Variants in CENPM observed in about 807,000 individuals in gnomAD.
The protein encoded by CENPM is centromere protein M.
CENPM carries 14 observed loss-of-function variants against 19.6 expected under a neutral mutation model. The observed-to-expected ratio is 0.71, with a 90% confidence interval of 0.47 to 1.11. The LOEUF (loss-of-function observed/expected upper bound fraction) is 1.11, where lower values mean the gene tolerates loss of function less well. CENPM is among the 50% of genes most tolerant of loss of function. The pLI is 0.00. For missense variants in CENPM, 239 were observed against 228.4 expected (o/e 1.05, Z -0.30); for synonymous variants, 114 against 101.5 (o/e 1.12, Z -0.74).
intron 3 of CENPM, chr22:41,945,520 G>C (rs2077790220): frequency 1.1e-6 from 1 of 915,388 alleles, no homozygotes; most frequent in Non-Finnish European, 1.6e-6. Context: ...GCGCGATCTT[G>C]GCTCACTGCA....
chr22:41,945,003 G>C, intron 4 of CENPM: 2 of 1,367,162 alleles, frequency 1.5e-6, no homozygotes, highest in Non-Finnish European at 1.9e-6. Flanking sequence ...TGTGTCATGG[G>C]GTTTGTTGTA....
At chr22:41,932,813 C>T in the CENPM span, among the ~76,000 whole-genome samples, 1 of 152,210 alleles carries the variant, frequency 6.6e-6, no homozygotes, top group Admixed American at 6.5e-5. This position sits in a 1 kb window ranked among gnomAD's most constrained non-coding sequence, Gnocchi z 4.3. Context: ...ATTCAGGGTA[C>T]CACGCAGGAA....
rs963854384 is a variant in CENPM, at chr22:41,944,138, G to A, written c.311-437C>T. 8.1e-6 allele frequency: 8 copies of A among 985,226 alleles called. No homozygotes were observed. In the East Asian group the frequency reaches 7.9e-4, roughly 98 times the overall value. The allele number at this position is 985,226 out of a possible 1,614,324, so 61.0% of individuals were successfully genotyped here. On this transcript the variant is annotated intron_variant, in intron 4 of 5. Coordinates refer to ENST00000215980, the MANE Select transcript of CENPM (RefSeq NM_024053.5). The stretch of plus-strand genomic sequence containing the variant: ...AGAAGAGGAAATGTATTTGACAGAA[G>A]CCTAGAGTAAACAAAAAGAGGACGG...
chr22:41,928,749 C>T, the CENPM span, among the ~76,000 whole-genome samples: 22 of 151,998 alleles, frequency 1.4e-4, no homozygotes, highest in South Asian at 4.1e-4. This position sits in a 1 kb window ranked among gnomAD's most constrained non-coding sequence, Gnocchi z 4.0. Context: ...GCACCAGTCC[C>T]GGGGCAGTAC....
intron 5 of CENPM, among the ~76,000 whole-genome samples, chr22:41,943,204 G>C (rs2077758495): frequency 6.6e-6 from 1 of 152,196 alleles, no homozygotes; most frequent in African/African-American, 2.4e-5. Context: ...ACCAGTTAAA[G>C]AGACGGACAT....
chr22:41,939,570 G>T (rs1308903711), intron 5 of CENPM, among the ~76,000 whole-genome samples: 1 of 152,014 alleles, frequency 6.6e-6, no homozygotes, highest in East Asian at 1.9e-4. Context: ...GGCCCCAGAT[G>T]CTCAAGACCA....
At chr22:41,931,518 T>C in the CENPM span, among the ~76,000 whole-genome samples, 1 of 152,104 alleles carries the variant, frequency 6.6e-6, no homozygotes, top group Admixed American at 6.5e-5. Context: ...CAAGATAGTT[T>C]GGGGTCTTCA....
downstream of CENPM, among the ~76,000 whole-genome samples, chr22:41,938,383 T>TG (rs2077694184): frequency 6.8e-6 from 1 of 147,590 alleles, no homozygotes; most frequent in African/African-American, 2.5e-5. Flanking sequence ...TTTTTTTTTT[T>TG]GAGGTGGAGT....
At chr22:41,934,443 C>G (rs1425178698), downstream of CENPM, among the ~76,000 whole-genome samples, 2 of 152,218 alleles carry the variant, frequency 1.3e-5, no homozygotes, top group African/African-American at 2.4e-5. Context: ...GGGGCAGCTT[C>G]CAGGCCCAGC....
downstream of CENPM, among the ~76,000 whole-genome samples, chr22:41,935,400 G>GC (rs1368644482): frequency 6.6e-6 from 1 of 151,980 alleles, no homozygotes; most frequent in East Asian, 1.9e-4. Flanking sequence ...CATTCCATCA[G>GC]CCCCGCCAAA....
rs1400923767 is a variant in CENPM at position 41,946,406 on chromosome 22, C to T, written c.137+11G>A. 1.9e-6 allele frequency: 3 copies of T among 1,611,808 alleles called. No individual in the cohort carries two copies. The Admixed American group carries it at 5.0e-5, about 27-fold the overall frequency. ...GACACGTGGGCCCAGGCCACAGCCG[C>T]GGCTACTTACACCTTCAGCTCGGAG... On this transcript the variant is annotated intron_variant, in intron 2 of 5. Coordinates refer to ENST00000215980, the MANE Select transcript of CENPM (RefSeq NM_024053.5).
downstream of CENPM, among the ~76,000 whole-genome samples, chr22:41,938,389 G>A (rs1306829789): frequency 1.2e-3 from 133 of 111,852 alleles, 1 homozygote; most frequent in Non-Finnish European, 3.7e-4. Flanking sequence ...TTTTTGAGGT[G>A]GAGTCTCACT....
intron 5 of CENPM, among the ~76,000 whole-genome samples, chr22:41,940,395 T>C (rs551551641): frequency 6.6e-6 from 1 of 152,246 alleles, no homozygotes; most frequent in African/African-American, 2.4e-5. Context: ...GCTTTTTTTG[T>C]TTTGTTTTGA....
At chr22:41,943,533 C>T in intron 5 of CENPM, 77 bp downstream of exon 5, 2 of 1,265,170 alleles carry the variant, frequency 1.6e-6, no homozygotes, top group South Asian at 2.7e-5. Context: ...TAAGCATTCC[C>T]AATGTGCCCA....
downstream of CENPM, among the ~76,000 whole-genome samples, chr22:41,936,417 G>A (rs1205387752): frequency 2.0e-5 from 3 of 152,250 alleles, no homozygotes; most frequent in Non-Finnish European, 4.4e-5. Context: ...AATCTACGTG[G>A]CTGAAGTCCT....
chr22:41,938,363 CTT>C (rs564451166), downstream of CENPM, among the ~76,000 whole-genome samples: 5 of 94,394 alleles, frequency 5.3e-5, no homozygotes, highest in Admixed American at 1.4e-4. Flanking sequence ...GCTGGTCTCG[CTT>C]TTTTTTTTTT....
chr22:41,932,012 G>C, the CENPM span, among the ~76,000 whole-genome samples: 4 of 152,252 alleles, frequency 2.6e-5, no homozygotes, highest in African/African-American at 9.6e-5. The surrounding 1 kb of genome is among the most constrained non-coding windows in gnomAD (Gnocchi z 4.3). Context: ...GGGAGTCTCT[G>C]TTTTCCCTTG....
At chr22:41,946,735 C>T in intron 1 of CENPM, 1 of 598,230 alleles carries the variant, frequency 1.7e-6, no homozygotes, top group Non-Finnish European at 3.0e-6. Flanking sequence ...CCGCCGGCCT[C>T]TCCAGGAGGC....
chr22:41,939,128 C>T lies in CENPM; in HGVS notation c.471G>A (p.Val157=). The T allele has an allele frequency of 1.2e-6, 2 of 1,612,962 alleles. No homozygotes were observed. Among genetic ancestry groups the T allele is most frequent in the African/African-American group, 1.3e-5 (1 of 75,080 alleles). Residue 157 remains valine, a synonymous_variant, in exon 6 of 6, where the codon GTG becomes GTA. Coordinates refer to ENST00000215980, the MANE Select transcript of CENPM (RefSeq NM_024053.5). ...GCAGGTTCAGAGCTGAGACACCGGG[C>T]ACGTGGCCAGCACAGATCTGCAGCA... ...VRVLQICAGH[V]PGVSALNLLS...
Sources: gnomAD v4.1 joint callset for allele counts (sites outside exome capture counted in the v4.1 genomes callset) on GRCh38, gnomAD v4.1.1 for gene constraint, Gnocchi (gnomAD v3.1) non-coding constraint, MANE v1.5 for transcripts, NCBI Gene and HGNC (gene_info 2026-07-23, HGNC 2026-07-21) for gene names.